The following ZNF717 variants were observed in gnomAD, a reference collection of about 807,000 sequenced individuals.
ZNF717 encodes krueppel-like factor X17.
A neutral mutation model predicts 13.8 loss-of-function variants in ZNF717; 9 were observed. That is an observed-to-expected ratio of 0.65 (90% confidence interval 0.39 to 1.14). ZNF717 has a LOEUF of 1.14. Ranked by LOEUF, ZNF717 falls within the 50% of genes most tolerant of loss-of-function variation. ZNF717 has a pLI of 0.01. For synonymous variants in ZNF717, 327 were observed against 364.1 expected (o/e 0.90, Z 1.16); for missense variants, 1,040 against 1,080.7 (o/e 0.96, Z 0.53).
chr3:75,749,619 T>C (rs1361478148), intron 2 of ZNF717, among the ~76,000 whole-genome samples: 1 of 152,116 alleles, frequency 6.6e-6, no homozygotes, highest in Admixed American at 6.5e-5. Context: ...TCCAGAACAT[T>C]CCTGCTGTGG....
At chr3:75,726,263 T>A (rs1938277853), downstream of ZNF717, among the ~76,000 whole-genome samples, 1 of 152,264 alleles carries the variant, frequency 6.6e-6, no homozygotes, top group Admixed American at 6.5e-5. Flanking sequence ...CACATTTAGA[T>A]ATTTTAGGAG....
chr3:75,758,135 A>AG (rs1271677647), intron 2 of ZNF717, among the ~76,000 whole-genome samples: 2 of 148,796 alleles, frequency 1.3e-5, no homozygotes, highest in Admixed American at 1.3e-4. Context: ...AAAAAAAAAA[A>AG]AGAGAGAGAG....
intron 2 of ZNF717, among the ~76,000 whole-genome samples, chr3:75,761,969 G>C (rs1319697907): frequency 6.6e-6 from 1 of 152,136 alleles, no homozygotes; most frequent in East Asian, 1.9e-4. Context: ...CAGGAGAATT[G>C]CTTGAACTTG....
chr3:75,737,610 C>T lies in ZNF717; in HGVS notation c.2013G>A (p.Gly671=), dbSNP rs1358749302. 5 of 315,894 alleles carry T rather than the reference C, an allele frequency of 1.6e-5. No individual in the cohort carries two copies. The highest frequency in any genetic ancestry group is 3.6e-5 in the South Asian group (1 of 27,698). The allele number at this position is 315,894 out of a possible 1,614,324, so 19.6% of individuals were successfully genotyped here. ...CATTCATTACATCCATACGGTTTTT[C>T]CCCGTGTGAGTTCTCTGGTGTATGG... The part of the protein sequence containing the change: ...FLTIHQRTHT[G]KNRMDVMNVE... The change falls in exon 5 of 5, where the codon GGG becomes GGA. Residue 671 remains glycine (G), a synonymous_variant. Coordinates refer to ENST00000652011, the MANE Select transcript of ZNF717 (RefSeq NM_001290208.3).
At chr3:75,728,885 A>AG (rs200649469), downstream of ZNF717, among the ~76,000 whole-genome samples, 2 of 152,080 alleles carry the variant, frequency 1.3e-5, no homozygotes, top group African/African-American at 4.8e-5. Flanking sequence ...ACAAACAGGG[A>AG]GGGGGAACAA....
At position 75,778,252 on chromosome 3, in the gene ZNF717, C is replaced by T. The variant is rs189133691; in HGVS notation, c.57+5054G>A. Among the ~76,000 whole-genome samples, 127 of 148,892 alleles carry T rather than the reference C, an allele frequency of 8.5e-4. 1 individual carries two copies. Among genetic ancestry groups the T allele is most frequent in the Non-Finnish European group, 4.8e-4 (32 of 67,288 alleles). On this transcript the variant is annotated intron_variant, in intron 2 of 4. Transcript: ENST00000652011. Reference sequence around the variant, plus strand: ...AACAATGGAGCTGACGTGCTAAAACCGGAACCCAAAACAATGGGAGTGACA... The same window carrying T: ...AACAATGGAGCTGACGTGCTAAAACTGGAACCCAAAACAATGGGAGTGACA...
At chr3:75,715,647 T>C (rs1938033174) in intron 5 of ZNF717, among the ~76,000 whole-genome samples, 1 of 152,182 alleles carries the variant, frequency 6.6e-6, no homozygotes, top group South Asian at 2.1e-4. Context: ...AAAGATTATC[T>C]CACTTGATAT....
At chr3:75,727,429 C>T (rs1338770891), downstream of ZNF717, among the ~76,000 whole-genome samples, 7 of 139,994 alleles carry the variant, frequency 5.0e-5, no homozygotes, top group Non-Finnish European at 1.1e-4. Context: ...TACAGATGGA[C>T]GTGTGAGTAA....
chr3:75,731,160 T>G (rs1168041843), downstream of ZNF717, among the ~76,000 whole-genome samples: 1 of 152,072 alleles, frequency 6.6e-6, no homozygotes, highest in Admixed American at 6.6e-5. Flanking sequence ...GTGGATCACA[T>G]GAAGTCAGGA....
At chr3:75,775,923 G>T (rs1427511301) in intron 2 of ZNF717, among the ~76,000 whole-genome samples, 1 of 151,596 alleles carries the variant, frequency 6.6e-6, no homozygotes, top group Non-Finnish European at 1.5e-5. Flanking sequence ...GCTAACCCAA[G>T]TAAAACAAAA....
chr3:75,771,168 T>C (rs1020370160), intron 2 of ZNF717, among the ~76,000 whole-genome samples: 2 of 152,318 alleles, frequency 1.3e-5, no homozygotes, highest in African/African-American at 4.8e-5. Context: ...ACTCACACAC[T>C]GCTGAGTGTT....
chr3:75,731,754 A>C (rs796367599), downstream of ZNF717, among the ~76,000 whole-genome samples: 1 of 152,252 alleles, frequency 6.6e-6, no homozygotes, highest in Non-Finnish European at 1.5e-5. Context: ...ACTCTAAAAA[A>C]AAAATTTAAA....
At chr3:75,732,189 C>G, downstream of ZNF717, 2 of 700,108 alleles carry the variant, frequency 2.9e-6, no homozygotes, top group Non-Finnish European at 5.2e-6. Flanking sequence ...CAAGGCTTAT[C>G]CTCAGGAGAA....
chr3:75,727,172 G>A (rs201319876), downstream of ZNF717, among the ~76,000 whole-genome samples: 1 of 152,260 alleles, frequency 6.6e-6, no homozygotes, highest in African/African-American at 2.4e-5. Flanking sequence ...CATAAGCTGA[G>A]GATGTATGTC....
At chr3:75,745,014 G>A (rs1329895332) in intron 2 of ZNF717, among the ~76,000 whole-genome samples, 92 of 152,238 alleles carry the variant, frequency 6.0e-4, no homozygotes, top group African/African-American at 1.5e-3. Flanking sequence ...CACGGCTGCC[G>A]GGGTCTGTGT....
downstream of ZNF717, among the ~76,000 whole-genome samples, chr3:75,707,430 G>C (rs930171180): frequency 1.4e-5 from 2 of 144,508 alleles, no homozygotes; most frequent in Non-Finnish European, 3.1e-5. Context: ...GAGTCCCAGG[G>C]GATGCAAGCT....
chr3:75,731,981 G>C, downstream of ZNF717: 1 of 682,636 alleles, frequency 1.5e-6, no homozygotes, highest in East Asian at 2.7e-5. Flanking sequence ...AATTGCTGAA[G>C]GTTCCATATG....
At chr3:75,759,023 G>GTTAGCAC (rs1942740209) in intron 2 of ZNF717, among the ~76,000 whole-genome samples, 1 of 151,674 alleles carries the variant, frequency 6.6e-6, no homozygotes, top group Non-Finnish European at 1.5e-5. Context: ...TCAGATGACT[G>GTTAGCAC]TTAGCACTTG....
At chr3:75,723,481 A>C (rs1173304457) in intron 4 of ZNF717, among the ~76,000 whole-genome samples, 1 of 152,260 alleles carries the variant, frequency 6.6e-6, no homozygotes, top group Non-Finnish European at 1.5e-5. Flanking sequence ...GAATACTTGT[A>C]CTAGAAATAG....
Sources: allele counts gnomAD v4.1 joint callset (sites outside exome capture counted in the v4.1 genomes callset), GRCh38; gene constraint gnomAD v4.1.1; transcripts MANE v1.5; gene names NCBI Gene and HGNC (gene_info 2026-07-23, HGNC 2026-07-21).